The following CNTRL variants were observed in gnomAD, a reference collection of about 807,000 sequenced individuals.
CNTRL encodes the protein 110 kDa centrosomal protein.
CNTRL carries 233 observed loss-of-function variants against 303.7 expected under a neutral mutation model. That is an observed-to-expected ratio of 0.77 (90% CI 0.69 to 0.86). The LOEUF (loss-of-function observed/expected upper bound fraction) is 0.86. Among genes scored for constraint, CNTRL ranks in the 40% least tolerant of loss-of-function variants. The pLI is 0.00. For synonymous variants in CNTRL, 900 were observed against 922.2 expected (o/e 0.98, Z 0.44); for missense variants, 2,524 against 2,650.6 (o/e 0.95, Z 1.05).
chr9:121,105,608 G>A (rs113411561), intron 7 of CNTRL, among the ~76,000 whole-genome samples: 1 of 152,210 alleles, frequency 6.6e-6, no homozygotes, highest in African/African-American at 2.4e-5. Flanking sequence ...AAAGCAGTCC[G>A]CTAAGGAAGC....
chr9:121,100,241 A>G (rs1274091414), intron 7 of CNTRL, among the ~76,000 whole-genome samples: 1 of 152,232 alleles, frequency 6.6e-6, no homozygotes, highest in Non-Finnish European at 1.5e-5. Context: ...AGAAGAGAGT[A>G]GGGGCCAATA....
intron 7 of CNTRL, among the ~76,000 whole-genome samples, chr9:121,102,130 A>T (rs2049206317): frequency 6.6e-6 from 1 of 152,204 alleles, no homozygotes; most frequent in African/African-American, 2.4e-5. Flanking sequence ...TCCCTGATGA[A>T]CATCGATGTG....
At chr9:121,110,702 T>C (rs1362466626) in intron 8 of CNTRL, among the ~76,000 whole-genome samples, 1 of 143,122 alleles carries the variant, frequency 7.0e-6, no homozygotes, top group East Asian at 1.9e-4. Context: ...GTATGTATTA[T>C]TTTTTTTTAA....
chr9:121,157,420 G>A, intron 27 of CNTRL, 50 bp from the exon 28 acceptor site: 4 of 1,589,046 alleles, frequency 2.5e-6, no homozygotes, highest in East Asian at 2.2e-5. Flanking sequence ...GCCAGTAGCT[G>A]TGAGTGAGTA....
chr9:121,082,969 C>CAAAAA (rs71370624), intron 2 of CNTRL, among the ~76,000 whole-genome samples: 1 of 109,848 alleles, frequency 9.1e-6, no homozygotes, highest in Non-Finnish European at 1.8e-5. Flanking sequence ...GACTCCCTCT[C>CAAAAA]AAAAAAAAAA....
chr9:121,085,334 T>G (rs1396617362), intron 2 of CNTRL, among the ~76,000 whole-genome samples: 1 of 152,214 alleles, frequency 6.6e-6, no homozygotes, highest in African/African-American at 2.4e-5. Flanking sequence ...ATTACATAGC[T>G]TGTGTTCACT....
rs753549081 is a variant in CNTRL, at chr9:121,098,371, G to A, written c.622-15G>A. 1 of 1,540,244 alleles carries A rather than the reference G, an allele frequency of 6.5e-7. No individual in the cohort carries two copies. The highest frequency in any genetic ancestry group is 8.9e-7 in the Non-Finnish European group (1 of 1,117,926). ...TAAATTAAATTATACCAATACTAAT[G>A]TTATATCATTTCAGCTCCAAGATAT... On this transcript the variant is annotated splice_polypyrimidine_tract_variant and intron_variant, in intron 6 of 43. Transcript: ENST00000373855.
At chr9:121,168,437 G>C in intron 38 of CNTRL, 116 bp downstream of exon 38, 1 of 803,676 alleles carries the variant, frequency 1.2e-6, no homozygotes, top group Non-Finnish European at 2.0e-6. Context: ...GAGGAGGCAG[G>C]AGAAGTAAAG....
intron 24 of CNTRL, 68 bp downstream of exon 24, chr9:121,148,929 A>C: frequency 1.4e-6 from 2 of 1,433,844 alleles, no homozygotes; most frequent in Middle Eastern, 2.5e-4. Flanking sequence ...TGATTCTCTG[A>C]AACCCCTAAG....
At chr9:121,160,036 C>A in intron 31 of CNTRL, 107 bp from the exon 32 acceptor site, 1 of 854,814 alleles carries the variant, frequency 1.2e-6, no homozygotes, top group Non-Finnish European at 1.6e-6. Flanking sequence ...GAGCTTGTTT[C>A]CAAATTAGAA....
intron 2 of CNTRL, among the ~76,000 whole-genome samples, chr9:121,083,691 T>C (rs1331610591): frequency 6.6e-6 from 1 of 152,256 alleles, no homozygotes; most frequent in Non-Finnish European, 1.5e-5. Context: ...CACGGACATT[T>C]ATTACCAAGT....
rs370206855 is a variant in CNTRL at position 121,152,577 on chromosome 9, G to A, written c.4056G>A (p.Ser1352=). The part of the protein sequence containing the change: ...ERWMRASKRQ[S]EKEMEELHHN... ...GGATGAGAGCATCCAAGCGGCAGTCGGAGAAAGAAATGGAAGAACTGCATC... is the reference window on the plus strand; with the variant it reads ...GGATGAGAGCATCCAAGCGGCAGTCAGAGAAAGAAATGGAAGAACTGCATC... Residue 1352 remains serine, a synonymous_variant, in exon 26 of 44, where the codon TCG becomes TCA. Transcript: ENST00000373855. The A allele has an allele frequency of 2.0e-5, 32 of 1,613,860 alleles. No individual in the cohort carries two copies. The highest frequency in any genetic ancestry group is 6.7e-5 in the East Asian group (3 of 44,878).
Position 121,135,931 on chromosome 9 carries a change from T to C in CNTRL, c.2151T>C (p.Ala717=). 1 of 1,613,594 alleles carries C rather than the reference T, an allele frequency of 6.2e-7. No homozygotes were observed. Among genetic ancestry groups the C allele is most frequent in the South Asian group, 1.1e-5 (1 of 91,060 alleles). The change falls in exon 15 of 44, where the codon GCT becomes GCC. Residue 717 remains alanine (A), a synonymous_variant. Coordinates refer to ENST00000373855, the MANE Select transcript of CNTRL (RefSeq NM_007018.6). ...AGGCTCGGCTAAACCTAAGGGATGCTGAAGCCAACCAGCTCAAGGAAGAGT... is the reference window on the plus strand; with the variant it reads ...AGGCTCGGCTAAACCTAAGGGATGCCGAAGCCAACCAGCTCAAGGAAGAGT... ...ELEARLNLRD[A]EANQLKEELE...
At chr9:121,157,386 A>G in intron 27 of CNTRL, 84 bp from the exon 28 acceptor site, 1 of 1,398,506 alleles carries the variant, frequency 7.2e-7, no homozygotes, top group Non-Finnish European at 9.7e-7. Flanking sequence ...CTTGTTTTCC[A>G]AAAGAGCTGT....
chr9:121,162,411 A>AT (rs1375693974), intron 34 of CNTRL, 140 bp downstream of exon 34: 5 of 690,838 alleles, frequency 7.2e-6, no homozygotes, highest in African/African-American at 5.6e-5. Flanking sequence ...TGCCAGTTGC[A>AT]TTTTTTTGGA....
In CNTRL at chr9:121,141,542, G is replaced by A. The variant is rs1588235549; in HGVS notation, c.2645G>A (p.Gly882Glu). ...MALQQEKLAT[G>E]QEEFRQACER... ...CTGCAGCAAGAGAAACTGGCAACTGGACAAGAAGAGTTCAGGCAGGCCTGT... is the reference window on the plus strand; with the variant it reads ...CTGCAGCAAGAGAAACTGGCAACTGAACAAGAAGAGTTCAGGCAGGCCTGT... The change falls in exon 18 of 44, where the codon GGA becomes GAA. Residue 882 changes from glycine to glutamate, a missense_variant. Coordinates refer to ENST00000373855, the MANE Select transcript of CNTRL (RefSeq NM_007018.6). 1 of 1,614,104 alleles carries A rather than the reference G, an allele frequency of 6.2e-7. No individual in the cohort carries two copies. The highest frequency in any genetic ancestry group is 1.3e-5 in the African/African-American group (1 of 75,058).
intron 8 of CNTRL, among the ~76,000 whole-genome samples, chr9:121,109,488 C>T: frequency 6.6e-6 from 1 of 151,962 alleles, no homozygotes. Flanking sequence ...TAAATGTATT[C>T]TTCATAATTT....
At chr9:121,112,394 A>G in intron 8 of CNTRL, 65 bp from the exon 9 acceptor site, 1 of 1,478,370 alleles carries the variant, frequency 6.8e-7, no homozygotes, top group Non-Finnish European at 9.3e-7. Flanking sequence ...AACTTACCAT[A>G]TCATCACACC....
chr9:121,100,762 A>G (rs943970634), intron 7 of CNTRL, among the ~76,000 whole-genome samples: 1 of 152,234 alleles, frequency 6.6e-6, no homozygotes, highest in African/African-American at 2.4e-5. Flanking sequence ...TTGCATTCCT[A>G]GTCTCTGATA....
Sources: gnomAD v4.1 joint callset for allele counts (sites outside exome capture counted in the v4.1 genomes callset) on GRCh38, gnomAD v4.1.1 for gene constraint, MANE v1.5 for transcripts, NCBI Gene and HGNC (gene_info 2026-07-23, HGNC 2026-07-21) for gene names.